The following CCDC102B variants were observed in gnomAD, a reference collection of about 807,000 sequenced individuals.
CCDC102B encodes coiled-coil domain-containing protein 102B.
CCDC102B carries 75 observed loss-of-function variants against 57.4 expected under a neutral mutation model. That is an observed-to-expected ratio of 1.31 (90% CI 1.08 to 1.58). The LOEUF is 1.58. Among genes scored for constraint, CCDC102B ranks in the 40% most tolerant of loss-of-function variants. The pLI is 0.00. For missense variants in CCDC102B, 636 were observed against 582.6 expected, an observed-to-expected ratio of 1.09 and a Z score of -0.94; for synonymous variants, 206 against 201.9, an observed-to-expected ratio of 1.02 and a Z score of -0.17.
intron 7 of CCDC102B, among the ~76,000 whole-genome samples, chr18:69,044,841 A>T (rs2052519530): frequency 6.6e-6 from 1 of 152,194 alleles, no homozygotes; most frequent in African/African-American, 2.4e-5. Flanking sequence ...ATGGGCTGCC[A>T]TAACGAAATA....
chr18:69,021,457 G>T lies in CCDC102B; in HGVS notation c.1434+10353G>T, dbSNP rs9989562. On this transcript the variant is annotated intron_variant, in intron 7 of 7. Transcript: ENST00000360242. ...TCATCACACACCCAGGAACCGAATT[G>T]ATTTGTAAAAACCAGCCGGTTCATG... 1.7e-3 allele frequency among the ~76,000 whole-genome samples: 260 copies of T among 152,230 alleles called. 3 individuals carry two copies. Among genetic ancestry groups the T allele is most frequent in the African/African-American group, 6.1e-3 (254 of 41,554 alleles).
At chr18:68,973,700 C>T (rs1430940751) in intron 6 of CCDC102B, among the ~76,000 whole-genome samples, 1 of 152,054 alleles carries the variant, frequency 6.6e-6, no homozygotes, top group South Asian at 2.1e-4. Flanking sequence ...ATTTATTTAA[C>T]AAGAGGTTAA....
At chr18:68,775,608 G>T (rs1339555725) in intron 2 of CCDC102B, among the ~76,000 whole-genome samples, 3 of 149,528 alleles carry the variant, frequency 2.0e-5, no homozygotes, top group Non-Finnish European at 3.0e-5. Context: ...GTGAAAAATA[G>T]ATTGCTTTCC....
chr18:68,941,494 G>A (rs2049379861), intron 6 of CCDC102B, among the ~76,000 whole-genome samples: 1 of 152,078 alleles, frequency 6.6e-6, no homozygotes, highest in African/African-American at 2.4e-5. Flanking sequence ...GTACTTGCTA[G>A]ATATGAAGTA....
At chr18:68,838,587 A>G (rs2037488541) in intron 2 of CCDC102B, 119 bp from the exon 3 acceptor site, 1 of 1,450,090 alleles carries the variant, frequency 6.9e-7, no homozygotes, top group Non-Finnish European at 9.0e-7. Flanking sequence ...GGGAATGATA[A>G]TGAAATAAAA....
At chr18:69,008,919 A>G (rs2051425502) in intron 6 of CCDC102B, among the ~76,000 whole-genome samples, 1 of 152,182 alleles carries the variant, frequency 6.6e-6, no homozygotes, top group African/African-American at 2.4e-5. Flanking sequence ...GAAGGGTTTA[A>G]TGTTTTTTCT....
At chr18:69,001,945 T>G (rs2051212837) in intron 6 of CCDC102B, among the ~76,000 whole-genome samples, 1 of 152,212 alleles carries the variant, frequency 6.6e-6, no homozygotes, top group South Asian at 2.1e-4. Flanking sequence ...TTGCACTTCA[T>G]TATTAAAGGC....
intron 2 of CCDC102B, among the ~76,000 whole-genome samples, chr18:68,752,637 T>A (rs1304841793): frequency 6.6e-6 from 1 of 152,172 alleles, no homozygotes; most frequent in Non-Finnish European, 1.5e-5. Context: ...TATAATTAAT[T>A]TCATACTAAT....
At chr18:69,049,421 G>A (rs993968281) in intron 7 of CCDC102B, among the ~76,000 whole-genome samples, 2 of 151,882 alleles carry the variant, frequency 1.3e-5, no homozygotes, top group Admixed American at 6.6e-5. Context: ...GAAATTATTG[G>A]TTTATTCTCT....
Position 68,869,833 on chromosome 18 carries a change from T to C in CCDC102B, c.937-4836T>C, listed in dbSNP as rs1297963567. The stretch of plus-strand genomic sequence containing the variant: ...CTGAATGGTATTGCCCAGGTTTTCT[T>C]CTATTTTTTTTTATGGTTTTAGGTT... On this transcript the variant is annotated intron_variant, in intron 4 of 7. Transcript: ENST00000360242. Among the ~76,000 whole-genome samples the C allele has an allele frequency of 2.0e-5, 3 of 152,190 alleles. No homozygotes were observed. The East Asian group carries it at 5.8e-4, about 29-fold the overall frequency.
At chr18:69,046,243 TGCAACCTCGCCA>T (rs1458178667) in intron 7 of CCDC102B, among the ~76,000 whole-genome samples, 1 of 152,154 alleles carries the variant, frequency 6.6e-6, no homozygotes, top group Non-Finnish European at 1.5e-5. Context: ...CCCTATCCTC[TGCAACCTCGCCA>T]GCATCTATTA....
At chr18:68,765,384 AAG>A (rs1446362209) in intron 2 of CCDC102B, among the ~76,000 whole-genome samples, 2 of 149,962 alleles carry the variant, frequency 1.3e-5, no homozygotes, top group South Asian at 2.1e-4. Flanking sequence ...AAAGAAAAGA[AAG>A]AAAGAAAAGA....
chr18:69,008,100 T>C lies in CCDC102B; in HGVS notation c.1264-2834T>C, dbSNP rs966130721. ...AAGTTATAACTTTCCCATTAAGCTC[T>C]GAATTATTTGTGCAGCAAATTCTTT... is the stretch of plus-strand genomic sequence containing the variant. On this transcript the variant is annotated intron_variant, in intron 6 of 7. Transcript: ENST00000360242. Among the ~76,000 whole-genome samples the C allele has an allele frequency of 2.0e-5, 3 of 152,360 alleles. No individual in the cohort carries two copies. In the South Asian group the frequency reaches 6.2e-4, roughly 32 times the overall value.
intron 4 of CCDC102B, among the ~76,000 whole-genome samples, chr18:68,862,934 A>T (rs1233406767): frequency 6.6e-6 from 1 of 151,946 alleles, no homozygotes; most frequent in African/African-American, 2.4e-5. Context: ...CCTCATGTCT[A>T]CCCTACATTA....
chr18:68,994,006 T>C (rs918171629), intron 6 of CCDC102B, among the ~76,000 whole-genome samples: 15 of 152,310 alleles, frequency 9.8e-5, no homozygotes, highest in African/African-American at 3.6e-4. Flanking sequence ...TCATTTATTT[T>C]TAATCTATAT....
chr18:68,728,813 C>G (rs551334665), intron 2 of CCDC102B, among the ~76,000 whole-genome samples: 30 of 152,008 alleles, frequency 2.0e-4, no homozygotes, highest in African/African-American at 7.2e-4. Flanking sequence ...TATTACCACA[C>G]CTATTAAATA....
At chr18:68,825,925 G>A (rs1212452248) in intron 1 of CCDC102B, among the ~76,000 whole-genome samples, 3 of 152,068 alleles carry the variant, frequency 2.0e-5, no homozygotes, top group African/African-American at 7.2e-5. Context: ...CTAATTTTAA[G>A]TTGTTAAAGG....
intron 2 of CCDC102B, among the ~76,000 whole-genome samples, chr18:68,783,186 G>A (rs945724301): frequency 2.0e-5 from 3 of 152,220 alleles, no homozygotes; most frequent in Non-Finnish European, 4.4e-5. Context: ...ATTGTGATAT[G>A]TGGGTGGAGA....
At chr18:68,894,105 T>G (rs972589454) in intron 5 of CCDC102B, among the ~76,000 whole-genome samples, 1 of 152,018 alleles carries the variant, frequency 6.6e-6, no homozygotes, top group Non-Finnish European at 1.5e-5. Context: ...GACACTCAAT[T>G]TTTTTTCCTT....
Sources: allele counts gnomAD v4.1 joint callset (sites outside exome capture counted in the v4.1 genomes callset), GRCh38; gene constraint gnomAD v4.1.1; transcripts MANE v1.5; gene names NCBI Gene and HGNC (gene_info 2026-07-23, HGNC 2026-07-21).